Variants in CECR2 observed in about 807,000 individuals in gnomAD.
CECR2 encodes CECR2 histone acetyl-lysine reader.
Under a neutral mutation model 154.5 loss-of-function variants are expected in CECR2, and 30 were observed. The observed-to-expected ratio is 0.19, with a 90% CI of 0.15 to 0.26. CECR2 has a LOEUF of 0.26. CECR2 is among the 10% of genes least tolerant of loss of function. The probability of loss-of-function intolerance (pLI) is 1.00; values close to 1 mark genes in which losing one functional copy is unlikely to be tolerated. For missense variants in CECR2, 1,743 were observed against 1,829.3 expected (o/e 0.95, Z 0.86); for synonymous variants, 725 against 683.7 (o/e 1.06, Z -0.94).
intron 1 of CECR2, among the ~76,000 whole-genome samples, chr22:17,467,096 A>G (rs1231655650): frequency 6.6e-6 from 1 of 152,194 alleles, no homozygotes; most frequent in East Asian, 1.9e-4. Context: ...TGTCTAGATT[A>G]AAGGAGCAGT....
At chr22:17,426,795 C>T (rs1184627181) in intron 1 of CECR2, among the ~76,000 whole-genome samples, 2 of 151,974 alleles carry the variant, frequency 1.3e-5, no homozygotes, top group African/African-American at 2.4e-5. Flanking sequence ...AACATGTCTT[C>T]GGTTCTCTCT....
At chr22:17,485,070 G>A in intron 2 of CECR2, among the ~76,000 whole-genome samples, 1 of 152,288 alleles carries the variant, frequency 6.6e-6, no homozygotes, top group African/African-American at 2.4e-5. Context: ...GCATAACACT[G>A]TCTACTCATG....
intron 1 of CECR2, among the ~76,000 whole-genome samples, chr22:17,415,438 C>T (rs577741928): frequency 1.3e-5 from 2 of 152,102 alleles, no homozygotes; most frequent in African/African-American, 2.4e-5. Flanking sequence ...GATGAAGTTT[C>T]GCCATATTGC....
At chr22:17,386,533 C>A (rs1032644709) in intron 1 of CECR2, among the ~76,000 whole-genome samples, 1 of 152,150 alleles carries the variant, frequency 6.6e-6, no homozygotes. Context: ...CAATCCCCTT[C>A]TTTGTGCCAC....
intron 1 of CECR2, among the ~76,000 whole-genome samples, chr22:17,393,178 C>T (rs187625216): frequency 1.8e-4 from 28 of 152,304 alleles, no homozygotes; most frequent in African/African-American, 6.7e-4. Context: ...CTCCCCAGCT[C>T]TCCCTACCTC....
chr22:17,449,980 C>G (rs564487480), intron 1 of CECR2, among the ~76,000 whole-genome samples: 318 of 152,298 alleles, frequency 2.1e-3, no homozygotes, highest in African/African-American at 7.2e-3. Flanking sequence ...GGACAAGGAT[C>G]TTGTCCAGGC....
intron 2 of CECR2, among the ~76,000 whole-genome samples, chr22:17,480,464 A>C (rs1001584063): frequency 3.5e-4 from 53 of 151,816 alleles, no homozygotes; most frequent in Non-Finnish European, 6.9e-4. Context: ...ACACACAGAG[A>C]AAAGTGCTCA....
chr22:17,520,017 T>G (rs1319633156), intron 8 of CECR2, among the ~76,000 whole-genome samples: 3 of 151,922 alleles, frequency 2.0e-5, no homozygotes, highest in Non-Finnish European at 4.4e-5. Flanking sequence ...TCTCAATCTC[T>G]TAACCTCATG....
intron 1 of CECR2, among the ~76,000 whole-genome samples, chr22:17,471,237 C>G (rs918522226): frequency 6.6e-6 from 1 of 152,134 alleles, no homozygotes; most frequent in Non-Finnish European, 1.5e-5. Context: ...TGGGTCTAAG[C>G]GATGAAGTCC....
At chr22:17,448,117 G>A (rs1282488695) in intron 1 of CECR2, among the ~76,000 whole-genome samples, 3 of 152,232 alleles carry the variant, frequency 2.0e-5, no homozygotes, top group Non-Finnish European at 2.9e-5. Context: ...ATAGACTGCC[G>A]GTAACGTCTG....
intron 1 of CECR2, among the ~76,000 whole-genome samples, chr22:17,393,127 C>A (rs1268462683): frequency 6.6e-6 from 1 of 152,134 alleles, no homozygotes; most frequent in Non-Finnish European, 1.5e-5. Flanking sequence ...ATAAGGTTTT[C>A]ATCACCTCAA....
chr22:17,432,740 A>G (rs1035757664), intron 1 of CECR2, among the ~76,000 whole-genome samples: 4 of 151,994 alleles, frequency 2.6e-5, no homozygotes, highest in African/African-American at 7.3e-5. Flanking sequence ...AGCTCAAGCA[A>G]CCCTCCTACC....
intron 8 of CECR2, among the ~76,000 whole-genome samples, chr22:17,512,960 A>G (rs9618040): frequency 0.034 from 5,175 of 152,262 alleles, 164 homozygotes; most frequent in African/African-American, 0.079. Context: ...TGTTTAGGTC[A>G]CATGAAAGAG....
intron 2 of CECR2, among the ~76,000 whole-genome samples, chr22:17,495,941 C>T (rs184966896): frequency 5.0e-4 from 76 of 150,968 alleles, no homozygotes; most frequent in Middle Eastern, 6.9e-3. Context: ...CTCTGGAGAC[C>T]AAGGTGGGAG....
At chr22:17,528,409 G>A (rs1238406261) in intron 9 of CECR2, among the ~76,000 whole-genome samples, 1 of 152,218 alleles carries the variant, frequency 6.6e-6, no homozygotes, top group South Asian at 2.1e-4. Flanking sequence ...CAGAGGCTGG[G>A]AACGATAGTG....
chr22:17,542,754 C>T lies in CECR2; in HGVS notation c.2611C>T (p.Arg871Trp), dbSNP rs763950393. ...SLFGAPAQAL[R>W]GVQGGDSMMD... ...GTTTGGAGCACCTGCCCAGGCTCTT[C>T]GGGGGGTGCAGGGAGGGGACTCCAT... The change falls in exon 16 of 19, where the codon CGG becomes TGG. Residue 871 changes from arginine to tryptophan, a missense_variant. Around this residue, in one of 4 missense-constraint regions of CECR2, gnomAD observed 1,250 missense variants for 1,192.1 expected, o/e 1.05. Coordinates refer to ENST00000262608, the MANE Select transcript of CECR2 (RefSeq NM_001290047.2). 1.5e-5 allele frequency: 24 copies of T among 1,613,864 alleles called. No individual in the cohort carries two copies. Among genetic ancestry groups the T allele is most frequent in the African/African-American group, 2.7e-5 (2 of 74,922 alleles).
chr22:17,499,576 T>C (rs1162638258), intron 4 of CECR2, 27 bp downstream of exon 4: 3 of 1,573,224 alleles, frequency 1.9e-6, no homozygotes, highest in Non-Finnish European at 2.6e-6. Context: ...TAGGGCATGA[T>C]AGCTACTGTA....
intron 7 of CECR2, among the ~76,000 whole-genome samples, chr22:17,508,657 T>C (rs1233206114): frequency 6.6e-6 from 1 of 152,124 alleles, no homozygotes; most frequent in Non-Finnish European, 1.5e-5. Context: ...TAGTAGGCTA[T>C]ACCATCTAGG....
intron 1 of CECR2, among the ~76,000 whole-genome samples, chr22:17,447,046 T>TTTTTTTTTTTG (rs1426021534): frequency 6.9e-6 from 1 of 144,792 alleles, no homozygotes; most frequent in East Asian, 2.2e-4. Context: ...TTTTTTTTTT[T>TTTTTTTTTTTG]TTTTTTGAGA....
Sources: allele counts gnomAD v4.1 joint callset (sites outside exome capture counted in the v4.1 genomes callset), GRCh38; gene constraint gnomAD v4.1.1; regional missense constraint gnomAD v4.1.1; transcripts MANE v1.5; gene names NCBI Gene and HGNC (gene_info 2026-07-23, HGNC 2026-07-21).